Variants in SLC9A8 observed in about 807,000 individuals in gnomAD.
SLC9A8 encodes sodium/hydrogen exchanger 8.
A neutral mutation model predicts 66.6 loss-of-function variants in SLC9A8; 48 were observed. The ratio of observed to expected loss-of-function variants is 0.72; its 90% CI spans 0.57 to 0.92. The LOEUF (loss-of-function observed/expected upper bound fraction) is 0.92, where lower values mean the gene tolerates loss of function less well. Ranked by LOEUF, SLC9A8 falls within the 40% of genes least tolerant of loss-of-function variation. The pLI, the probability that SLC9A8 is intolerant of heterozygous loss-of-function variation, is 0.00. For synonymous variants in SLC9A8, 274 were observed against 282.6 expected (o/e 0.97, Z 0.31); for missense variants, 599 against 747.3 (o/e 0.80, Z 2.31).
At chr20:49,813,532 T>C (rs909604361) in intron 1 of SLC9A8, among the ~76,000 whole-genome samples, 8 of 152,188 alleles carry the variant, frequency 5.3e-5, no homozygotes, top group Non-Finnish European at 8.8e-5. Flanking sequence ...ATTAACGTTA[T>C]TTGTGCCTAG....
At chr20:49,825,338 C>T (rs919414747) in intron 3 of SLC9A8, among the ~76,000 whole-genome samples, 2 of 152,086 alleles carry the variant, frequency 1.3e-5, no homozygotes, top group African/African-American at 4.8e-5. Context: ...GGACAAAACC[C>T]AATTCAAAAG....
intron 13 of SLC9A8, among the ~76,000 whole-genome samples, chr20:49,881,626 A>G (rs1372573718): frequency 6.6e-6 from 1 of 152,170 alleles, no homozygotes; most frequent in Non-Finnish European, 1.5e-5. Context: ...TAAATATTAT[A>G]ATCAAAGTAT....
At chr20:49,883,132 G>A (rs1047845941) in intron 13 of SLC9A8, among the ~76,000 whole-genome samples, 6 of 151,744 alleles carry the variant, frequency 4.0e-5, no homozygotes, top group Non-Finnish European at 5.9e-5. Flanking sequence ...TGTCCCCTCC[G>A]TATGGCACCA....
chr20:49,818,257 C>G (rs1466436727), intron 2 of SLC9A8, among the ~76,000 whole-genome samples: 3 of 152,108 alleles, frequency 2.0e-5, no homozygotes, highest in African/African-American at 7.2e-5. Flanking sequence ...GGATTGCCCT[C>G]TCCAAACAGA....
chr20:49,885,297 T>A (rs1600826594), intron 14 of SLC9A8, among the ~76,000 whole-genome samples: 1 of 152,176 alleles, frequency 6.6e-6, no homozygotes, highest in African/African-American at 2.4e-5. Flanking sequence ...ATCTCATAGG[T>A]ATGGTATGGG....
chr20:49,874,991 C>G (rs2089368930), intron 11 of SLC9A8, among the ~76,000 whole-genome samples, 170 bp downstream of exon 11: 2 of 152,178 alleles, frequency 1.3e-5, no homozygotes, highest in African/African-American at 4.8e-5. Flanking sequence ...TTTGAAATTT[C>G]ATAAAGTAAA....
chr20:49,817,093 A>G (rs1446204066), intron 2 of SLC9A8, among the ~76,000 whole-genome samples: 3 of 149,484 alleles, frequency 2.0e-5, no homozygotes, highest in Non-Finnish European at 4.5e-5. Flanking sequence ...TTTCGCGTGG[A>G]TCATCTAAGG....
chr20:49,886,711 G>A lies in SLC9A8; in HGVS notation c.1492-41G>A. On this transcript the variant is annotated intron_variant, in intron 14 of 15. Coordinates refer to ENST00000361573, the MANE Select transcript of SLC9A8 (RefSeq NM_015266.3). The surrounding 1 kb of genome is among the most constrained non-coding windows in gnomAD (Gnocchi z 4.8). ...CTTCCAGGAGGTGCCCCCCGATGGT[G>A]CCAGCTGGTGGCCGTCGGGCCGCCT... 6.3e-7 allele frequency: 1 copy of A among 1,598,560 alleles called. No individual in the cohort carries two copies. Among genetic ancestry groups the A allele is most frequent in the Middle Eastern group, 1.7e-4 (1 of 5,870 alleles).
At chr20:49,867,827 C>T (rs953475842) in intron 10 of SLC9A8, among the ~76,000 whole-genome samples, 28 of 152,224 alleles carry the variant, frequency 1.8e-4, no homozygotes, top group African/African-American at 6.3e-4. Flanking sequence ...GTAATTTCTT[C>T]AGACGCAAAG....
chr20:49,834,212 T>TACAC lies in SLC9A8; in HGVS notation c.290-5328_290-5327insCACA, dbSNP rs1457307255. ...ATATATATATATATATATATATATA[T>TACAC]ATACACACACACACTATGTATATAC... On this transcript the variant is annotated intron_variant, in intron 3 of 15. Transcript: ENST00000361573. Among the ~76,000 whole-genome samples the TACAC allele has an allele frequency of 4.8e-3, 578 of 119,460 alleles. 7 individuals carry two copies. Among genetic ancestry groups the TACAC allele is most frequent in the Middle Eastern group, 8.5e-3 (2 of 236 alleles). The allele number at this position is 119,460 out of a possible 152,430, so 78.4% of individuals were successfully genotyped here.
intron 10 of SLC9A8, among the ~76,000 whole-genome samples, chr20:49,870,917 C>G (rs2089186147): frequency 6.6e-6 from 1 of 152,122 alleles, no homozygotes; most frequent in Non-Finnish European, 1.5e-5. Context: ...TCAGGCTGGT[C>G]TCAAACTCCT....
At chr20:49,824,871 C>A (rs2086860476) in intron 3 of SLC9A8, among the ~76,000 whole-genome samples, 1 of 152,032 alleles carries the variant, frequency 6.6e-6, no homozygotes, top group Admixed American at 6.5e-5. Context: ...GTAGGGGCGG[C>A]AAGGCAGTGT....
Position 49,840,354 on chromosome 20 carries a change from A to G in SLC9A8, c.348+755A>G, listed in dbSNP as rs917566396. ...GTTGAGTAGGGCGAGATTAACAAGT[A>G]TGCTACAAAATTGATTTTGTGGAGG... On this transcript the variant is annotated intron_variant, in intron 4 of 15. Transcript: ENST00000361573. Among the ~76,000 whole-genome samples, 3 of 152,250 alleles carry G rather than the reference A, an allele frequency of 2.0e-5. No individual in the cohort carries two copies. The East Asian group carries it at 5.8e-4, about 29-fold the overall frequency.
intron 3 of SLC9A8, among the ~76,000 whole-genome samples, chr20:49,838,905 C>T (rs1022089831): frequency 8.5e-5 from 13 of 152,134 alleles, no homozygotes; most frequent in Admixed American, 1.3e-4. Context: ...GGTTAAGAGT[C>T]GTTTATCTAG....
Position 49,812,924 on chromosome 20 carries a change from TG to T in SLC9A8, c.7del (p.Glu3?), listed in dbSNP as rs1172825877. 15 of 1,483,504 alleles carry T rather than the reference TG, an allele frequency of 1.0e-5. No individual in the cohort carries two copies. Among genetic ancestry groups the T allele is most frequent in the Non-Finnish European group, 1.3e-5 (14 of 1,117,962 alleles). 91.9% of individuals were successfully genotyped at this position (1,483,504 alleles called of 1,614,324 possible). A position where few individuals can be genotyped will look rare whatever the true frequency, so the allele number is the denominator to read the frequency against. On this transcript the variant is annotated frameshift_variant and start_lost, in exon 1 of 16. Transcript: ENST00000361573. LOFTEE classifies it high-confidence loss of function. MGEKMAEEERF... is the reference protein window; with the variant it reads XGEKMAEEERF... ...CGGTGGTCCTGGAAGCTCCGCAGGATGGGGGAGAAGATGGCGGAAGAGGAGT... is the reference window on the plus strand; with the variant it reads ...CGGTGGTCCTGGAAGCTCCGCAGGATGGGGAGAAGATGGCGGAAGAGGAGT...
In SLC9A8 at chr20:49,856,574, C is replaced by T. The variant is rs556318784; in HGVS notation, c.713+993C>T. Among the ~76,000 whole-genome samples the T allele has an allele frequency of 3.3e-4, 51 of 152,300 alleles. No homozygotes were observed. In the South Asian group the frequency reaches 0.01, roughly 31 times the overall value. On this transcript the variant is annotated intron_variant, in intron 8 of 15. Transcript: ENST00000361573. The stretch of plus-strand genomic sequence containing the variant: ...CAGTGGCTCAGTCCTGTAATCCCAG[C>T]ACTTTGGAAGGCCAAGGCGGGTGGA...
chr20:49,849,602 T>C lies in SLC9A8; in HGVS notation c.456T>C (p.Gly152=). The C allele has an allele frequency of 6.2e-7, 1 of 1,613,680 alleles. No individual in the cohort carries two copies. Among genetic ancestry groups the C allele is most frequent in the South Asian group, 1.1e-5 (1 of 91,082 alleles). ...LHKGNFFQNI[G]SITLFAVFGT... is the part of the protein sequence containing the mutation. ...AGGGTAACTTCTTTCAAAATATTGG[T>C]TCCATCACCCTGTTTGCTGTTTTTG... is the stretch of plus-strand genomic sequence containing the variant. The change falls in exon 6 of 16, where the codon GGT becomes GGC. Residue 152 remains glycine, a synonymous_variant. Coordinates refer to ENST00000361573, the MANE Select transcript of SLC9A8 (RefSeq NM_015266.3).
At chr20:49,869,252 C>T (rs1054985746) in intron 10 of SLC9A8, among the ~76,000 whole-genome samples, 1 of 152,096 alleles carries the variant, frequency 6.6e-6, no homozygotes, top group African/African-American at 2.4e-5. Flanking sequence ...CAGAGTTTCG[C>T]TCTGTAGCCC....
At chr20:49,846,024 G>A (rs1036948088) in intron 5 of SLC9A8, among the ~76,000 whole-genome samples, 3 of 151,926 alleles carry the variant, frequency 2.0e-5, no homozygotes, top group African/African-American at 4.8e-5. Context: ...TAGTAGAGAC[G>A]GACGGGGTTT....
Sources: gnomAD v4.1 joint callset for allele counts (sites outside exome capture counted in the v4.1 genomes callset) on GRCh38, gnomAD v4.1.1 for gene constraint, Gnocchi (gnomAD v3.1) non-coding constraint, MANE v1.5 for transcripts, NCBI Gene and HGNC (gene_info 2026-07-23, HGNC 2026-07-21) for gene names.